ADRA1A: variants seen among roughly 807,000 people sequenced by gnomAD.
ADRA1A encodes the protein adrenoceptor alpha 1A.
In ADRA1A, 31 loss-of-function variants were observed where a neutral mutation model predicts 29.6. That is an observed-to-expected ratio of 1.05 (90% CI 0.79 to 1.41). The LOEUF (loss-of-function observed/expected upper bound fraction) is 1.41, where lower values mean the gene tolerates loss of function less well. ADRA1A is among the 40% of genes most tolerant of loss of function. ADRA1A has a pLI of 0.00. For synonymous variants in ADRA1A, 311 were observed against 254.3 expected, an observed-to-expected ratio of 1.22 and a Z score of -2.12; for missense variants, 619 against 601.1, an observed-to-expected ratio of 1.03 and a Z score of -0.31.
chr8:26,797,987 C>CTT (rs35607881), intron 2 of ADRA1A, among the ~76,000 whole-genome samples: 3 of 148,482 alleles, frequency 2.0e-5, no homozygotes, highest in African/African-American at 2.5e-5. Context: ...GTAAGTTAGT[C>CTT]TTTTTTTTTT....
intron 2 of ADRA1A, among the ~76,000 whole-genome samples, chr8:26,857,299 GC>G (rs1401363253): frequency 6.6e-6 from 1 of 152,096 alleles, no homozygotes; most frequent in African/African-American, 2.4e-5. Flanking sequence ...ATAGATGGCT[GC>G]TGCTTTAAGC....
chr8:26,862,596 A>G (rs1027516144), intron 2 of ADRA1A, among the ~76,000 whole-genome samples: 5 of 152,356 alleles, frequency 3.3e-5, no homozygotes, highest in Middle Eastern at 3.4e-3. Context: ...TGTAATTTCT[A>G]TAATTTCAAA....
At chr8:26,758,104 G>C (rs1282095542) in intron 2 of ADRA1A, among the ~76,000 whole-genome samples, 1 of 152,190 alleles carries the variant, frequency 6.6e-6, no homozygotes, top group Non-Finnish European at 1.5e-5. Flanking sequence ...AAATTTTCCA[G>C]GTGGGGATAT....
chr8:26,865,625 A>C lies in ADRA1A; in HGVS notation c.-656T>G, dbSNP rs141539485. On this transcript the variant is annotated 5_prime_UTR_variant, in exon 2 of 3. Coordinates refer to ENST00000380573, the MANE Select transcript of ADRA1A (RefSeq NM_000680.4). This position sits in a 1 kb window ranked among gnomAD's most constrained non-coding sequence, Gnocchi z 7.6. ...TGTGGAATATGTGCTGAGACCCAGG[A>C]GGCTGCGGGGCATCGTTTGACCGCG... is the stretch of plus-strand genomic sequence containing the variant. 101 of 986,140 alleles carry C rather than the reference A, an allele frequency of 1.0e-4. No individual in the cohort carries two copies. The African/African-American group carries it at 1.6e-3, about 16-fold the overall frequency. The allele number at this position is 986,140 out of a possible 1,614,324, so 61.1% of individuals were successfully genotyped here.
chr8:26,864,250 G>GT lies in ADRA1A; in HGVS notation c.719dup (p.Asn240LysfsTer61), dbSNP rs1813699854. 6.2e-7 allele frequency: 1 copy of GT among 1,614,074 alleles called. No homozygotes were observed. Among genetic ancestry groups the GT allele is most frequent in the Non-Finnish European group, 8.5e-7 (1 of 1,180,048 alleles). Reference sequence around the variant, plus strand: ...CCATCCCGCTGCCTCCTGCCGGGGCGTTTTTCCGATGGATGCGGAGCGTCA... The same window carrying GT: ...CCATCCCGCTGCCTCCTGCCGGGGCGTTTTTTCCGATGGATGCGGAGCGTCA... On this transcript the variant is annotated frameshift_variant, in exon 2 of 3. Transcript: ENST00000380573. LOFTEE classifies it high-confidence loss of function. This position sits in a 1 kb window ranked among gnomAD's most constrained non-coding sequence, Gnocchi z 8.1.
chr8:26,845,778 A>T (rs1485608163), intron 2 of ADRA1A, among the ~76,000 whole-genome samples: 3 of 152,252 alleles, frequency 2.0e-5, no homozygotes, highest in African/African-American at 7.2e-5. Flanking sequence ...GTCCTGAAAC[A>T]TACCATAACA....
intron 2 of ADRA1A, among the ~76,000 whole-genome samples, chr8:26,800,584 C>A (rs571020585): frequency 3.9e-4 from 60 of 152,136 alleles, no homozygotes; most frequent in African/African-American, 1.4e-3. Context: ...AGACCAATAA[C>A]AAGTAATAAT....
At chr8:26,790,460 C>A (rs1046328810) in intron 2 of ADRA1A, among the ~76,000 whole-genome samples, 3 of 151,958 alleles carry the variant, frequency 2.0e-5, no homozygotes, top group South Asian at 2.1e-4. Flanking sequence ...TGGGAAGAAT[C>A]GTGGGGAGGG....
chr8:26,794,689 C>T (rs1808072678), intron 2 of ADRA1A, among the ~76,000 whole-genome samples: 1 of 151,476 alleles, frequency 6.6e-6, no homozygotes, highest in South Asian at 2.1e-4. Context: ...TGTGGCCATA[C>T]CAAAAAAAAG....
chr8:26,834,530 G>A (rs527962038), intron 2 of ADRA1A, among the ~76,000 whole-genome samples: 92 of 152,316 alleles, frequency 6.0e-4, no homozygotes, highest in Admixed American at 1.4e-3. Flanking sequence ...CATTTCTGAT[G>A]TTTCCAGACA....
At position 26,770,235 on chromosome 8, in the gene ADRA1A, A is replaced by G. The variant is rs765717995; in HGVS notation, c.1315T>C (p.Ser439Pro). 5 of 1,611,296 alleles carry G rather than the reference A, an allele frequency of 3.1e-6. No homozygotes were observed. The East Asian group carries it at 1.1e-4, about 36-fold the overall frequency. ...FLQVCCCVGP[S>P]TPSLDKNHQV... ...TGGTTCTTGTCAAGGCTGGGGGTTG[A>G]GGGCCCTACACAGCAGCAGACCTGC... The change falls in exon 3 of 3, where the codon TCA (serine) becomes CCA (proline). Residue 439 changes from serine to proline, a missense_variant. By Grantham distance (74) the Ser-to-Pro change is moderately conservative. Coordinates refer to ENST00000380573, the MANE Select transcript of ADRA1A (RefSeq NM_000680.4).
intron 2 of ADRA1A, among the ~76,000 whole-genome samples, chr8:26,852,942 G>A (rs1812742883): frequency 6.6e-6 from 1 of 152,100 alleles, no homozygotes; most frequent in Admixed American, 6.6e-5. Context: ...ACAGCAACAT[G>A]AATAACGGTG....
rs1390513 is a variant in ADRA1A at position 26,825,434 on chromosome 8, T to C, written c.883+38653A>G. On this transcript the variant is annotated intron_variant, in intron 2 of 2. Coordinates refer to ENST00000380573, the MANE Select transcript of ADRA1A (RefSeq NM_000680.4). This position sits in a 1 kb window ranked among gnomAD's most constrained non-coding sequence, Gnocchi z 5.7. The stretch of plus-strand genomic sequence containing the variant: ...AGATGGAGTTTCTTTGTTTTCTAAT[T>C]CCGCCCTACTTCGTTTCCTATAAGG... 0.033 allele frequency among the ~76,000 whole-genome samples: 4,959 copies of C among 152,196 alleles called. 320 individuals are homozygous for C. The highest frequency in any genetic ancestry group is 0.11 in the African/African-American group (4,706 of 41,482).
intron 2 of ADRA1A, among the ~76,000 whole-genome samples, chr8:26,842,193 C>T (rs67410524): frequency 0.036 from 5,544 of 152,234 alleles, 162 homozygotes; most frequent in Non-Finnish European, 0.055. Flanking sequence ...CCATATGGAG[C>T]TATGGAGTAC....
chr8:26,814,315 A>G (rs1809617315), intron 2 of ADRA1A, among the ~76,000 whole-genome samples: 1 of 152,052 alleles, frequency 6.6e-6, no homozygotes, highest in Non-Finnish European at 1.5e-5. Flanking sequence ...ATGATCATAG[A>G]TTACTCCAGC....
At chr8:26,778,595 T>A (rs1379932042) in intron 2 of ADRA1A, among the ~76,000 whole-genome samples, 1 of 150,926 alleles carries the variant, frequency 6.6e-6, no homozygotes, top group Non-Finnish European at 1.5e-5. Flanking sequence ...ACATATACAC[T>A]GTGGAATACT....
chr8:26,806,281 C>T lies in ADRA1A; in HGVS notation c.884-35615G>A, dbSNP rs749284716. Among the ~76,000 whole-genome samples, 3 of 151,608 alleles carry T rather than the reference C, an allele frequency of 2.0e-5. No homozygotes were observed. The highest frequency in any genetic ancestry group is 4.9e-5 in the African/African-American group (2 of 41,068). On this transcript the variant is annotated intron_variant, in intron 2 of 2. Transcript: ENST00000380573. This position sits in a 1 kb window ranked among gnomAD's most constrained non-coding sequence, Gnocchi z 4.6. ...GACAAGGTGGAACTGGCCCCAGAAG[C>T]TGGGTGTTTACACCAAAGATTTTTT...
At chr8:26,810,649 C>G (rs1031407240) in intron 2 of ADRA1A, among the ~76,000 whole-genome samples, 8 of 152,162 alleles carry the variant, frequency 5.3e-5, no homozygotes, top group African/African-American at 1.9e-4. Context: ...TATTAGCTAG[C>G]TCACTGGAGA....
At chr8:26,781,427 T>A (rs1415906379) in intron 2 of ADRA1A, among the ~76,000 whole-genome samples, 1 of 152,216 alleles carries the variant, frequency 6.6e-6, no homozygotes, top group Admixed American at 6.5e-5. Context: ...TTTGAGCCAA[T>A]AGATGACATT....
Sources: allele counts gnomAD v4.1 joint callset (sites outside exome capture counted in the v4.1 genomes callset), GRCh38; gene constraint gnomAD v4.1.1; non-coding constraint Gnocchi (gnomAD v3.1); transcripts MANE v1.5; gene names NCBI Gene and HGNC (gene_info 2026-07-23, HGNC 2026-07-21).